EPG5: variants seen among roughly 807,000 people sequenced by gnomAD.
The protein encoded by EPG5 is ectopic P granules protein 5 homolog.
Under a neutral mutation model 302.7 loss-of-function variants are expected in EPG5, and 159 were observed. The observed-to-expected ratio is 0.53, with a 90% CI of 0.46 to 0.60. The LOEUF is 0.60. EPG5 is among the 20% of genes least tolerant of loss of function. EPG5 has a pLI of 0.00. For synonymous variants in EPG5, 1,158 were observed against 1,136.8 expected (o/e 1.02, Z -0.37); for missense variants, 2,896 against 3,092.4 (o/e 0.94, Z 1.51).
the EPG5 span, chr18:45,842,377 G>A: frequency 2.5e-5 from 15 of 598,206 alleles, no homozygotes; most frequent in African/African-American, 7.5e-5. Context: ...CAACCATTTC[G>A]GAGCTCCCTG....
chr18:45,852,388 T>A lies in EPG5; in HGVS notation c.*79A>T. 1.4e-6 allele frequency: 2 copies of A among 1,388,836 alleles called. No homozygotes were observed. Among genetic ancestry groups the A allele is most frequent in the Non-Finnish European group, 2.0e-6 (2 of 1,010,742 alleles). The allele number at this position is 1,388,836 out of a possible 1,614,324, so 86.0% of individuals were successfully genotyped here. A position where few individuals can be genotyped will look rare whatever the true frequency, so the allele number is the denominator to read the frequency against. On this transcript the variant is annotated 3_prime_UTR_variant, in exon 44 of 44. Transcript: ENST00000282041. ...GCCAAACTGAGCTCTACAGTGCAAT[T>A]GAGCAAAGTTACTTGTGCAACAGCA...
Position 45,960,715 on chromosome 18 carries a change from T to C in EPG5, c.64-5377A>G, listed in dbSNP as rs149601803. ...ATTACCAACAGTTATTTCCAGGAGA[T>C]GGAATTCTGGGCATTTCATTTCTGG... On this transcript the variant is annotated intron_variant, in intron 1 of 43. Coordinates refer to ENST00000282041, the MANE Select transcript of EPG5 (RefSeq NM_020964.3). 5.2e-3 allele frequency among the ~76,000 whole-genome samples: 794 copies of C among 152,256 alleles called. 6 individuals are homozygous for C. The highest frequency in any genetic ancestry group is 0.018 in the African/African-American group (737 of 41,550).
the EPG5 span, among the ~76,000 whole-genome samples, chr18:45,828,876 G>A: frequency 6.6e-6 from 1 of 152,216 alleles, no homozygotes; most frequent in African/African-American, 2.4e-5. Context: ...GCTTATTCGG[G>A]ACACAGGCAA....
chr18:45,923,382 G>T lies in EPG5; in HGVS notation c.2724C>A (p.Thr908=), dbSNP rs1242696420. The change falls in exon 15 of 44, where the codon ACC becomes ACA. Residue 908 remains threonine, a synonymous_variant. Transcript: ENST00000282041. ...CATGGACTGCTTGATCCAGATGAAG[G>T]GTAGCCTTTTAAAGAGAAAAATAAT... ...GLNWGFAKQA[T]LHLDQAVHAE... is the part of the protein sequence containing the mutation. The T allele has an allele frequency of 1.2e-6, 2 of 1,609,858 alleles. No homozygotes were observed. The highest frequency in any genetic ancestry group is 1.7e-5 in the Admixed American group (1 of 58,662).
In EPG5 at chr18:45,908,025, G is replaced by T; in HGVS notation, c.4262C>A (p.Thr1421Asn). The T allele has an allele frequency of 1.3e-6, 2 of 1,596,646 alleles. No homozygotes were observed. Among genetic ancestry groups the T allele is most frequent in the Non-Finnish European group, 1.7e-6 (2 of 1,172,748 alleles). The part of the protein sequence containing the change: ...LEDENFQKGD[T>N]YIPSLPKHYD... ...ATGCTTTGGTAGAGAAGGGATATAGGTATCTCCTTTTTGAAAATTCTCATC... is the reference window on the plus strand; with the variant it reads ...ATGCTTTGGTAGAGAAGGGATATAGTTATCTCCTTTTTGAAAATTCTCATC... Residue 1421 changes from threonine (T) to asparagine (N), a missense_variant, in exon 24 of 44, where the codon ACC becomes AAC. Thr to Asn is a moderately conservative substitution (Grantham distance 65, BLOSUM62 0). Coordinates refer to ENST00000282041, the MANE Select transcript of EPG5 (RefSeq NM_020964.3).
chr18:45,829,816 G>A, the EPG5 span, among the ~76,000 whole-genome samples: 2 of 152,074 alleles, frequency 1.3e-5, no homozygotes, highest in African/African-American at 2.4e-5. Context: ...TCCTGGAGGC[G>A]TGGTCTTCCT....
intron 23 of EPG5, 152 bp from the exon 24 acceptor site, chr18:45,908,233 G>T: frequency 1.8e-6 from 1 of 564,892 alleles, no homozygotes; most frequent in Non-Finnish European, 2.9e-6. Flanking sequence ...GGCTCCCAGA[G>T]AACTCCTGGT....
Position 45,882,394 on chromosome 18 carries a change from C to A in EPG5, c.5398G>T (p.Gly1800Cys). ...ESIHLALTAW[G>C]LEPDEDILMP... Reference sequence around the variant, plus strand: ...AAAATATCCTCATCTGGTTCAAGGCCCCAGGCAGTAAGTGCCAAGTGAATG... The same window carrying A: ...AAAATATCCTCATCTGGTTCAAGGCACCAGGCAGTAAGTGCCAAGTGAATG... The change falls in exon 31 of 44, where the codon GGC (glycine) becomes TGC (cysteine). Residue 1800 changes from glycine to cysteine, a missense_variant. Around this residue, in one of 5 missense-constraint regions of EPG5, gnomAD observed 790 missense variants for 798.0 expected, o/e 0.99. Transcript: ENST00000282041. 6.2e-7 allele frequency: 1 copy of A among 1,614,046 alleles called. No homozygotes were observed. The highest frequency in any genetic ancestry group is 8.5e-7 in the Non-Finnish European group (1 of 1,180,006).
chr18:45,908,008 G>A lies in EPG5; in HGVS notation c.4279C>T (p.Pro1427Ser). 6.2e-7 allele frequency: 1 copy of A among 1,601,094 alleles called. No homozygotes were observed. Among genetic ancestry groups the A allele is most frequent in the Non-Finnish European group, 8.5e-7 (1 of 1,176,126 alleles). Residue 1427 changes from proline (P) to serine (S), a missense_variant, in exon 24 of 44, where the codon CCA becomes TCA. By Grantham distance (74) the Pro-to-Ser change is moderately conservative (BLOSUM62 -1). This residue lies in a region of EPG5 where 790 missense variants were observed against 798.0 expected (regional missense o/e 0.99). Transcript: ENST00000282041. The stretch of plus-strand genomic sequence containing the variant: ...AGCCTGTGAATATCATAATGCTTTG[G>A]TAGAGAAGGGATATAGGTATCTCCT... ...QKGDTYIPSL[P>S]KHYDIHRLAK...
the EPG5 span, chr18:45,838,799 C>G: frequency 6.4e-7 from 1 of 1,559,030 alleles, no homozygotes. Flanking sequence ...GAAGGGGAGC[C>G]GCCGCCCGCC....
intron 4 of EPG5, 145 bp from the exon 5 acceptor site, chr18:45,949,736 G>T: frequency 1.9e-6 from 1 of 513,614 alleles, no homozygotes; most frequent in Non-Finnish European, 3.5e-6. Context: ...ATTCACTGAT[G>T]AGTTTCTACG....
intron 9 of EPG5, among the ~76,000 whole-genome samples, chr18:45,940,367 C>T (rs1047201172): frequency 5.1e-4 from 78 of 152,148 alleles, no homozygotes; most frequent in African/African-American, 1.8e-3. Flanking sequence ...GTGGGGAGCA[C>T]AGTAGGGTCC....
intron 14 of EPG5, among the ~76,000 whole-genome samples, chr18:45,923,682 C>A (rs1249625759): frequency 6.6e-6 from 1 of 152,168 alleles, no homozygotes; most frequent in Non-Finnish European, 1.5e-5. Flanking sequence ...ACAAACACTT[C>A]GGGTCAAGGG....
intron 6 of EPG5, among the ~76,000 whole-genome samples, chr18:45,947,368 G>A (rs964240031): frequency 2.0e-5 from 3 of 151,974 alleles, no homozygotes; most frequent in South Asian, 2.1e-4. Flanking sequence ...AGCTGAGATC[G>A]TTCCACTGCA....
chr18:45,880,840 G>A (rs2049082021), intron 31 of EPG5, among the ~76,000 whole-genome samples: 2 of 152,172 alleles, frequency 1.3e-5, no homozygotes, highest in Non-Finnish European at 1.5e-5. Context: ...AAAATAACAG[G>A]TTCATGGAGC....
At chr18:45,873,216 A>C (rs1380529927) in intron 35 of EPG5, among the ~76,000 whole-genome samples, 1 of 152,174 alleles carries the variant, frequency 6.6e-6, no homozygotes, top group Non-Finnish European at 1.5e-5. Context: ...CCCCTATACT[A>C]AGAAATTAAA....
At chr18:45,915,781 A>G (rs1225120189) in intron 19 of EPG5, among the ~76,000 whole-genome samples, 160 bp from the exon 20 acceptor site, 2 of 152,240 alleles carry the variant, frequency 1.3e-5, no homozygotes, top group Non-Finnish European at 2.9e-5. Context: ...AAGGCAGAGC[A>G]TTACAGCCAA....
rs2050177879 is a variant in EPG5 at position 45,922,427 on chromosome 18, G to C, written c.3012C>G (p.Pro1004=). ...CAGCCTTCAAGAGAGGATGAAACGT[G>C]GGTGACTCTGTCATGTCAGGCACAG... ...SVTVPDMTES[P]TFHPLLKAVK... Residue 1004 remains proline (P), a synonymous_variant, in exon 16 of 44, where the codon CCC becomes CCG. Coordinates refer to ENST00000282041, the MANE Select transcript of EPG5 (RefSeq NM_020964.3). 1 of 1,614,096 alleles carries C rather than the reference G, an allele frequency of 6.2e-7. No homozygotes were observed.
intron 34 of EPG5, 21 bp downstream of exon 34, chr18:45,878,355 A>C: frequency 6.6e-7 from 1 of 1,521,220 alleles, no homozygotes; most frequent in Non-Finnish European, 9.1e-7. Flanking sequence ...AAGGAATTTG[A>C]ATATCTAAAA....
Sources: allele counts gnomAD v4.1 joint callset (sites outside exome capture counted in the v4.1 genomes callset), GRCh38; gene constraint gnomAD v4.1.1; regional missense constraint gnomAD v4.1.1; transcripts MANE v1.5; gene names NCBI Gene and HGNC (gene_info 2026-07-23, HGNC 2026-07-21).